Variants in TSHZ3 observed in about 807,000 individuals in gnomAD.
TSHZ3 encodes teashirt zinc finger homeobox 3, also known as teashirt homolog 3.
Under a neutral mutation model 64.5 loss-of-function variants are expected in TSHZ3, and 10 were observed. The ratio of observed to expected loss-of-function variants is 0.16; its 90% confidence interval spans 0.10 to 0.26. The LOEUF (loss-of-function observed/expected upper bound fraction) is 0.26. Ranked by LOEUF, TSHZ3 falls within the 10% of genes least tolerant of loss-of-function variation. The pLI is 1.00. For missense variants in TSHZ3, 1,242 were observed against 1,421.7 expected (o/e 0.87, Z 2.03); for synonymous variants, 608 against 593.1 (o/e 1.03, Z -0.36).
chr19:31,154,489 G>T (rs1471928982), intron 6 of TSHZ3, among the ~76,000 whole-genome samples: 4 of 152,140 alleles, frequency 2.6e-5, no homozygotes, highest in Non-Finnish European at 5.9e-5. Context: ...ACTAAGTGTT[G>T]TAGAAAAAAA....
At chr19:31,342,870 G>T (rs1372961991) in intron 1 of TSHZ3, among the ~76,000 whole-genome samples, 1 of 152,244 alleles carries the variant, frequency 6.6e-6, no homozygotes, top group Non-Finnish European at 1.5e-5. Flanking sequence ...GTGGAAGGGA[G>T]AGGGCAGCCA....
At chr19:31,288,889 T>A (rs1233529308) in intron 1 of TSHZ3, among the ~76,000 whole-genome samples, 1 of 152,130 alleles carries the variant, frequency 6.6e-6, no homozygotes, top group African/African-American at 2.4e-5. Context: ...CAATGTGATG[T>A]TAGGCAGGGA....
intron 1 of TSHZ3, among the ~76,000 whole-genome samples, chr19:31,307,445 G>A (rs1303305398): frequency 3.9e-5 from 6 of 152,188 alleles, no homozygotes; most frequent in Non-Finnish European, 5.9e-5. Context: ...CATGAGGCCC[G>A]AACCACCCTC....
chr19:31,206,840 G>T (rs150285282), intron 4 of TSHZ3, among the ~76,000 whole-genome samples: 2 of 152,252 alleles, frequency 1.3e-5, no homozygotes, highest in Admixed American at 6.5e-5. Context: ...AAAAAGCCAC[G>T]TTTATATTTT....
rs1976328529 is a variant in TSHZ3, at chr19:31,279,684, CCGTATG to C, written c.103_108del (p.His35_Thr36del). ...TACTTGGCCGAGGGCTCTCCATCTG[CCGTATG>C]CTCCTCTGGGTCTAAACCTTCGTCC... On this transcript the variant is annotated inframe_deletion, in exon 2 of 2. Coordinates refer to ENST00000240587, the MANE Select transcript of TSHZ3 (RefSeq NM_020856.4). The surrounding 1 kb of genome is among the most constrained non-coding windows in gnomAD (Gnocchi z 6.4). 6.4e-7 allele frequency: 1 copy of C among 1,573,786 alleles called. No individual in the cohort carries two copies. The highest frequency in any genetic ancestry group is 1.2e-5 in the South Asian group (1 of 84,758).
At chr19:31,288,137 T>C (rs1976497742) in intron 1 of TSHZ3, among the ~76,000 whole-genome samples, 1 of 152,126 alleles carries the variant, frequency 6.6e-6, no homozygotes, top group African/African-American at 2.4e-5. Context: ...TAATCCTTTT[T>C]TTTATTTAAA....
chr19:31,313,383 G>C (rs565247025), intron 1 of TSHZ3, among the ~76,000 whole-genome samples: 1 of 152,200 alleles, frequency 6.6e-6, no homozygotes, highest in Non-Finnish European at 1.5e-5. Flanking sequence ...ACCTTTGAAC[G>C]ATGGCCCCCA....
chr19:31,283,269 G>A (rs1976398271), intron 1 of TSHZ3, among the ~76,000 whole-genome samples: 2 of 152,014 alleles, frequency 1.3e-5, no homozygotes, highest in South Asian at 4.2e-4. Context: ...GGAGGTGGAG[G>A]GTGCAAGTGA....
chr19:31,208,429 G>A (rs190316819), intron 4 of TSHZ3, among the ~76,000 whole-genome samples: 32 of 152,330 alleles, frequency 2.1e-4, no homozygotes, highest in African/African-American at 7.2e-4. Flanking sequence ...TTGGCAAGAA[G>A]GGCTAGGAAC....
intron 4 of TSHZ3, among the ~76,000 whole-genome samples, chr19:31,223,945 G>A (rs1179492589): frequency 1.3e-5 from 2 of 152,162 alleles, no homozygotes; most frequent in African/African-American, 4.8e-5. Context: ...CTCAGAGGAG[G>A]CTACTTGCGT....
chr19:31,341,630 G>GACACACACAC (rs57786287), intron 1 of TSHZ3, among the ~76,000 whole-genome samples: 18 of 138,088 alleles, frequency 1.3e-4, no homozygotes, highest in African/African-American at 4.2e-4. Context: ...CTCTCTCTCT[G>GACACACACAC]ACACACACAC....
chr19:31,222,479 A>C (rs1158373013), intron 4 of TSHZ3, among the ~76,000 whole-genome samples: 2 of 152,208 alleles, frequency 1.3e-5, no homozygotes, highest in East Asian at 3.9e-4. Context: ...CAAAGGCTCT[A>C]GAGTAAAGTC....
chr19:31,163,497 C>T (rs574390606), intron 5 of TSHZ3, among the ~76,000 whole-genome samples: 5 of 152,130 alleles, frequency 3.3e-5, no homozygotes, highest in South Asian at 4.2e-4. Flanking sequence ...TTTGGGAGGC[C>T]GAGGTGGGCG....
chr19:31,329,755 C>T (rs759109570), intron 1 of TSHZ3, among the ~76,000 whole-genome samples: 40 of 152,240 alleles, frequency 2.6e-4, no homozygotes, highest in Non-Finnish European at 4.6e-4. Flanking sequence ...GCAGGAACAC[C>T]GCCCTGTGTA....
intron 4 of TSHZ3, among the ~76,000 whole-genome samples, chr19:31,208,570 C>T (rs1975217947): frequency 6.6e-6 from 1 of 152,192 alleles, no homozygotes; most frequent in African/African-American, 2.4e-5. Flanking sequence ...TCTCCTTCTC[C>T]TGTAGAGTGA....
intron 4 of TSHZ3, among the ~76,000 whole-genome samples, chr19:31,206,509 C>T (rs916852745): frequency 1.3e-5 from 2 of 152,138 alleles, no homozygotes; most frequent in Admixed American, 1.3e-4. Context: ...AAGTCCAGGC[C>T]TGCAAAATCC....
intron 1 of TSHZ3, among the ~76,000 whole-genome samples, chr19:31,244,589 T>A (rs1975735890): frequency 2.0e-5 from 3 of 152,244 alleles, no homozygotes; most frequent in African/African-American, 7.2e-5. Flanking sequence ...TATGGAAGAT[T>A]GCCCAAATTG....
At chr19:31,164,382 T>C (rs1974414544) in intron 5 of TSHZ3, among the ~76,000 whole-genome samples, 1 of 152,112 alleles carries the variant, frequency 6.6e-6, no homozygotes, top group South Asian at 2.1e-4. Flanking sequence ...TACTTATTCA[T>C]TAATAACCAA....
intron 5 of TSHZ3, among the ~76,000 whole-genome samples, chr19:31,170,955 T>C (rs957835819): frequency 1.3e-5 from 2 of 152,218 alleles, no homozygotes; most frequent in Non-Finnish European, 2.9e-5. Flanking sequence ...AATGATGTCT[T>C]TTTCAGCAAT....
Sources: allele counts gnomAD v4.1 joint callset (sites outside exome capture counted in the v4.1 genomes callset), GRCh38; gene constraint gnomAD v4.1.1; non-coding constraint Gnocchi (gnomAD v3.1); transcripts MANE v1.5; gene names NCBI Gene and HGNC (gene_info 2026-07-23, HGNC 2026-07-21).